BCL7A: variants seen among roughly 807,000 people sequenced by gnomAD.
BCL7A encodes the protein B-cell CLL/lymphoma 7 protein family member A.
BCL7A carries 11 observed loss-of-function variants against 28.4 expected under a neutral mutation model. The ratio of observed to expected loss-of-function variants is 0.39; its 90% CI spans 0.24 to 0.64. BCL7A has a LOEUF of 0.64. Among genes scored for constraint, BCL7A ranks in the 30% least tolerant of loss-of-function variants. BCL7A has a pLI of 0.50. For synonymous variants in BCL7A, 123 were observed against 103.3 expected (o/e 1.19, Z -1.15); for missense variants, 222 against 274.8 (o/e 0.81, Z 1.36).
intron 4 of BCL7A, among the ~76,000 whole-genome samples, chr12:122,052,875 G>C (rs200659455): frequency 7.5e-4 from 103 of 137,790 alleles, no homozygotes; most frequent in Admixed American, 1.4e-3. Context: ...AGTCGGGGGG[G>C]GGGGGGGGTT....
chr12:122,022,277 TGCCCCGGCCCAGCCCCGCCGCGG>T, intron 1 of BCL7A, 94 bp downstream of exon 1: 1 of 709,340 alleles, frequency 1.4e-6, no homozygotes. Flanking sequence ...CCCGGCCGCC[TGCCCCGGCCCAGCCCCGCCGCGG>T]GCCCCGGGAC....
chr12:122,061,669 C>T lies in BCL7A; in HGVS notation c.*2506C>T, dbSNP rs1015396873. 16 of 230,096 alleles carry T rather than the reference C, an allele frequency of 7.0e-5. No individual in the cohort carries two copies. The highest frequency in any genetic ancestry group is 2.0e-4 in the African/African-American group (9 of 45,064). The allele number at this position is 230,096 out of a possible 1,614,324, so 14.3% of individuals were successfully genotyped here. On this transcript the variant is annotated 3_prime_UTR_variant, in exon 6 of 6. Transcript: ENST00000261822. Reference sequence around the variant, plus strand: ...AAAGCCTTCCGTGGACATCAGGCCCCGTGGCCTCAAGGGCTCCCAGGGCAA... The same window carrying T: ...AAAGCCTTCCGTGGACATCAGGCCCTGTGGCCTCAAGGGCTCCCAGGGCAA...
At chr12:122,034,190 CATATATATA>C (rs1883799353) in intron 2 of BCL7A, among the ~76,000 whole-genome samples, 1 of 97,612 alleles carries the variant, frequency 1.0e-5, no homozygotes, top group Admixed American at 1.4e-4. Context: ...CTGCATCTTT[CATATATATA>C]TATATATATA....
chr12:122,023,246 A>AT (rs1019369610), intron 1 of BCL7A, among the ~76,000 whole-genome samples: 7 of 151,848 alleles, frequency 4.6e-5, no homozygotes, highest in Non-Finnish European at 8.8e-5. Context: ...CAACTTTATT[A>AT]TTTTTTTCCC....
At chr12:122,033,235 A>C (rs1883779468) in intron 2 of BCL7A, among the ~76,000 whole-genome samples, 1 of 151,988 alleles carries the variant, frequency 6.6e-6, no homozygotes, top group African/African-American at 2.4e-5. Flanking sequence ...TCCTGGGCTC[A>C]AGCAATCCTT....
chr12:122,035,450 C>G, intron 3 of BCL7A, 23 bp downstream of exon 3: 1 of 1,597,166 alleles, frequency 6.3e-7, no homozygotes, highest in Non-Finnish European at 8.6e-7. Context: ...GGCCTGCCAG[C>G]CTCTCCTGCC....
At chr12:122,022,822 G>C (rs2135833671) in intron 1 of BCL7A, among the ~76,000 whole-genome samples, 1 of 151,868 alleles carries the variant, frequency 6.6e-6, no homozygotes, top group Non-Finnish European at 1.5e-5. Context: ...CGGCGACCAG[G>C]AAAGATGGGG....
intron 4 of BCL7A, among the ~76,000 whole-genome samples, chr12:122,050,458 T>C (rs977996578): frequency 2.6e-5 from 4 of 152,200 alleles, no homozygotes; most frequent in African/African-American, 9.7e-5. Context: ...TAGCCTTCGC[T>C]GCGTACAGTA....
At chr12:122,056,344 G>A (rs996110782) in intron 5 of BCL7A, among the ~76,000 whole-genome samples, 3 of 151,038 alleles carry the variant, frequency 2.0e-5, no homozygotes, top group East Asian at 1.9e-4. Flanking sequence ...TTCTCACATC[G>A]CCCCCACTAC....
intron 4 of BCL7A, among the ~76,000 whole-genome samples, chr12:122,052,927 C>T (rs12230227): frequency 0.4 from 55,188 of 137,492 alleles, 11,697 homozygotes; most frequent in Middle Eastern, 0.51. Flanking sequence ...TGACCTCAGC[C>T]GATCCACCCA....
At chr12:122,038,375 T>G (rs1447637037) in intron 3 of BCL7A, among the ~76,000 whole-genome samples, 2 of 130,544 alleles carry the variant, frequency 1.5e-5, no homozygotes, top group African/African-American at 6.0e-5. Context: ...GAGGCTGCAG[T>G]GAGCTAAGAT....
chr12:122,054,215 G>C (rs1263066354), intron 4 of BCL7A, among the ~76,000 whole-genome samples: 2 of 152,084 alleles, frequency 1.3e-5, no homozygotes, highest in Admixed American at 1.3e-4. Flanking sequence ...CTCCCGAGTA[G>C]GTGGGACTAC....
rs546349546 is a variant in BCL7A, at chr12:122,043,731, G to A, written c.272-155G>A. ...CAGCCTGGTTGACAGAGCGAGATCC[G>A]TCTCAAAAAAAAAAAAAACGGTAAC... On this transcript the variant is annotated intron_variant, in intron 3 of 5. Transcript: ENST00000261822. Among the ~76,000 whole-genome samples the A allele has an allele frequency of 1.0e-4, 14 of 140,040 alleles. No homozygotes were observed. The South Asian group carries it at 1.1e-3, about 11-fold the overall frequency. The allele number at this position is 140,040 out of a possible 152,430, so 91.9% of individuals were successfully genotyped here.
intron 1 of BCL7A, among the ~76,000 whole-genome samples, chr12:122,024,675 TA>T (rs1266997534): frequency 1.3e-5 from 2 of 152,114 alleles, no homozygotes; most frequent in East Asian, 3.9e-4. Context: ...TTTAACCAGA[TA>T]AAAATACAGC....
intron 1 of BCL7A, among the ~76,000 whole-genome samples, chr12:122,023,473 T>C: frequency 6.6e-6 from 1 of 152,082 alleles, no homozygotes; most frequent in East Asian, 1.9e-4. Context: ...TGTCACAAGT[T>C]AGCTGTCCTT....
rs1420857334 is a variant in BCL7A at position 122,022,008 on chromosome 12, C to T, written c.-84C>T. On this transcript the variant is annotated 5_prime_UTR_variant, in exon 1 of 6. Coordinates refer to ENST00000261822, the MANE Select transcript of BCL7A (RefSeq NM_001024808.3). Reference sequence around the variant, plus strand: ...TGTCTGTGCGCGAGTGAGTGAGCGGCGGGCGGGCGCGAGTGTGGCCGCCGC... The same window carrying T: ...TGTCTGTGCGCGAGTGAGTGAGCGGTGGGCGGGCGCGAGTGTGGCCGCCGC... 38 of 1,166,554 alleles carry T rather than the reference C, an allele frequency of 3.3e-5. No homozygotes were observed. Among genetic ancestry groups the T allele is most frequent in the African/African-American group, 4.8e-5 (3 of 63,084 alleles). The allele number at this position is 1,166,554 out of a possible 1,614,324, so 72.3% of individuals were successfully genotyped here.
chr12:122,023,122 C>T (rs751422416), intron 1 of BCL7A, among the ~76,000 whole-genome samples: 12 of 152,248 alleles, frequency 7.9e-5, no homozygotes, highest in Non-Finnish European at 1.6e-4. Context: ...GGGGATCGAA[C>T]CTTTCCGCGG....
chr12:122,043,134 G>A (rs1883993720), intron 3 of BCL7A, among the ~76,000 whole-genome samples: 1 of 151,878 alleles, frequency 6.6e-6, no homozygotes, highest in Non-Finnish European at 1.5e-5. Context: ...GCTCCAGGCT[G>A]GATGCAGTCA....
At chr12:122,056,939 C>T (rs11043307) in intron 5 of BCL7A, among the ~76,000 whole-genome samples, 29,470 of 152,194 alleles carry the variant, frequency 0.19, 3,081 homozygotes, top group East Asian at 0.32. Context: ...ATGTCCTACT[C>T]GAGGCCTCTC....
Sources: allele counts gnomAD v4.1 joint callset (sites outside exome capture counted in the v4.1 genomes callset), GRCh38; gene constraint gnomAD v4.1.1; transcripts MANE v1.5; gene names NCBI Gene and HGNC (gene_info 2026-07-23, HGNC 2026-07-21).